CFHR1: variants seen among roughly 807,000 people sequenced by gnomAD.
CFHR1 encodes complement factor H related 1.
A neutral mutation model predicts 30.4 loss-of-function variants in CFHR1; 22 were observed. The ratio of observed to expected loss-of-function variants is 0.72; its 90% confidence interval spans 0.52 to 1.03. The LOEUF is 1.03. Ranked by LOEUF, CFHR1 falls within the 50% of genes least tolerant of loss-of-function variation. CFHR1 has a pLI of 0.00. For missense variants in CFHR1, 248 were observed against 380.6 expected (o/e 0.65, Z 2.90); for synonymous variants, 95 against 129.1 (o/e 0.74, Z 1.79).
At position 196,831,393 on chromosome 1, in the gene CFHR1, A is replaced by G. The variant is rs1242953499; in HGVS notation, c.791-404A>G. Among the ~76,000 whole-genome samples the G allele has an allele frequency of 1.5e-5, 2 of 134,680 alleles. 1 individual carries two copies. Among genetic ancestry groups the G allele is most frequent in the Non-Finnish European group, 3.1e-5 (2 of 64,226 alleles). 88.4% of individuals were successfully genotyped at this position (134,680 alleles called of 152,430 possible). A position where few individuals can be genotyped will look rare whatever the true frequency, so the allele number is the denominator to read the frequency against. On this transcript the variant is annotated intron_variant, in intron 5 of 5. Coordinates refer to ENST00000320493, the MANE Select transcript of CFHR1 (RefSeq NM_002113.3). ...TGCTTTCTTGCCAATTTTCAGATAA[A>G]CAATACAATATTATTAGCTCTAAAT...
Position 196,827,311 on chromosome 1 carries a change from C to A in CFHR1, c.430+306C>A, listed in dbSNP as rs1655367414. Among the ~76,000 whole-genome samples the A allele has an allele frequency of 1.5e-5, 2 of 134,624 alleles. 1 individual carries two copies. Among genetic ancestry groups the A allele is most frequent in the Non-Finnish European group, 3.1e-5 (2 of 64,150 alleles). The allele number at this position is 134,624 out of a possible 152,430, so 88.3% of individuals were successfully genotyped here. ...GGAATCAAAAATGTCGAAATAGAAC[C>A]CTGAATCTGTTTTACCAACCCCTCC... On this transcript the variant is annotated intron_variant, in intron 3 of 5. Transcript: ENST00000320493.
chr1:196,825,293 A>G lies in CFHR1; in HGVS notation c.59-184A>G, dbSNP rs1655278926. The G allele has an allele frequency of 6.7e-6, 3 of 446,778 alleles. No individual in the cohort carries two copies. In the East Asian group the frequency reaches 9.9e-5, roughly 15 times the overall value. The allele number at this position is 446,778 out of a possible 1,614,324, so 27.7% of individuals were successfully genotyped here. A position where few individuals can be genotyped will look rare whatever the true frequency, so the allele number is the denominator to read the frequency against. On this transcript the variant is annotated intron_variant, in intron 1 of 5. Coordinates refer to ENST00000320493, the MANE Select transcript of CFHR1 (RefSeq NM_002113.3). The stretch of plus-strand genomic sequence containing the variant: ...TATTCATTAACAATTACCTCCTCAA[A>G]TAGTCATGTACTCCTAGTTAGTGAT...
At chr1:196,828,968 A>G (rs879498250) in intron 4 of CFHR1, among the ~76,000 whole-genome samples, 12 of 133,470 alleles carry the variant, frequency 9.0e-5, no homozygotes, top group Non-Finnish European at 1.9e-4. Flanking sequence ...GATATATAGG[A>G]CTTAAACCTC....
intron 5 of CFHR1, among the ~76,000 whole-genome samples, chr1:196,831,149 A>C (rs1984953): frequency 0.01 from 1,415 of 135,834 alleles, 399 homozygotes; most frequent in African/African-American, 0.042. Flanking sequence ...ACAACACAAA[A>C]AAGTAATTTT....
At chr1:196,830,853 T>C (rs1282845411) in intron 5 of CFHR1, among the ~76,000 whole-genome samples, 171 bp downstream of exon 5, 1 of 135,108 alleles carries the variant, frequency 7.4e-6, no homozygotes, top group Non-Finnish European at 1.6e-5. Flanking sequence ...TAGGGCTGGG[T>C]GTGGTGGCTC....
chr1:196,825,536 A>G lies in CFHR1; in HGVS notation c.118A>G (p.Lys40Glu). 1 of 1,521,300 alleles carries G rather than the reference A, an allele frequency of 6.6e-7. No individual in the cohort carries two copies. The highest frequency in any genetic ancestry group is 8.9e-7 in the Non-Finnish European group (1 of 1,125,746). 94.2% of individuals were successfully genotyped at this position (1,521,300 alleles called of 1,614,324 possible). The change falls in exon 2 of 6, where the codon AAG becomes GAG. Residue 40 changes from lysine (K) to glutamate (E), a missense_variant. Lys to Glu is a moderately conservative substitution (Grantham distance 56, BLOSUM62 1). Transcript: ENST00000320493. Reference protein sequence around the residue: ...HGILYDEEKYKPFSQVPTGEV... With the variant: ...HGILYDEEKYEPFSQVPTGEV... ...AATTCTATATGATGAAGAAAAATAT[A>G]AGCCATTTTCCCAGGTTCCTACAGG...
At chr1:196,823,182 A>C (rs1655189942) in intron 1 of CFHR1, among the ~76,000 whole-genome samples, 1 of 133,604 alleles carries the variant, frequency 7.5e-6, no homozygotes, top group African/African-American at 3.2e-5. Context: ...TATTGAGACA[A>C]TAAAAATTAT....
intron 2 of CFHR1, among the ~76,000 whole-genome samples, chr1:196,826,405 A>G (rs1264196975): frequency 7.4e-6 from 1 of 135,392 alleles, no homozygotes. Flanking sequence ...TCATATATAT[A>G]GTAGCATGAG....
chr1:196,823,101 A>ATG (rs778697156), intron 1 of CFHR1, among the ~76,000 whole-genome samples: 1,995 of 47,026 alleles, frequency 0.042, 265 homozygotes, highest in Non-Finnish European at 0.054. Context: ...ATATATATAT[A>ATG]TGTGTGTGTG....
intron 1 of CFHR1, chr1:196,821,320 T>C (rs1177701684): frequency 1.9e-5 from 2 of 107,680 alleles, no homozygotes; most frequent in African/African-American, 4.9e-5. Flanking sequence ...CAGAGGAAAA[T>C]AAGTGAAAAA....
intron 1 of CFHR1, among the ~76,000 whole-genome samples, chr1:196,823,317 G>A (rs113930942): frequency 0.01 from 1,380 of 135,052 alleles, 379 homozygotes; most frequent in African/African-American, 0.041. Flanking sequence ...TCTTTCTGAA[G>A]CATAGGTACA....
In CFHR1 at chr1:196,830,604, C is replaced by T; in HGVS notation, c.712C>T (p.Gln238Ter). ...AGCTTCATCAGTTGAGTACCAATGC[C>T]AGAACTTGTATCAACTTGAGGGTAA... ...APASSVEYQC[Q>*]NLYQLEGNKR... The change falls in exon 5 of 6, where the codon CAG becomes TAG. Residue 238 changes from glutamine (Q) to a stop codon, truncating the protein, a stop_gained. Transcript: ENST00000320493. LOFTEE classifies it high-confidence loss of function. The T allele has an allele frequency of 6.6e-7, 1 of 1,523,968 alleles. No homozygotes were observed. Among genetic ancestry groups the T allele is most frequent in the Non-Finnish European group, 8.9e-7 (1 of 1,128,692 alleles). 94.4% of individuals were successfully genotyped at this position (1,523,968 alleles called of 1,614,324 possible).
At chr1:196,823,887 AG>A (rs1655219463) in intron 1 of CFHR1, among the ~76,000 whole-genome samples, 1 of 134,544 alleles carries the variant, frequency 7.4e-6, no homozygotes, top group African/African-American at 3.2e-5. Context: ...TGCATGTGGT[AG>A]GGAAGAGGAA....
At chr1:196,831,669 A>G (rs1189332553) in intron 5 of CFHR1, 128 bp from the exon 6 acceptor site, 1 of 1,224,236 alleles carries the variant, frequency 8.2e-7, no homozygotes, top group African/African-American at 1.9e-5. Context: ...GTTTTTACAT[A>G]GTCGGTTTGG....
intron 1 of CFHR1, chr1:196,821,172 G>A (rs1655107656): frequency 7.2e-6 from 1 of 138,514 alleles, no homozygotes; most frequent in Non-Finnish European, 1.5e-5. Context: ...TTCACTTTTA[G>A]TGCTGAGTTG....
chr1:196,822,104 T>C (rs1655139566), intron 1 of CFHR1, among the ~76,000 whole-genome samples: 1 of 132,404 alleles, frequency 7.6e-6, no homozygotes. Context: ...GACTGAAAGT[T>C]ACTCTCAGTA....
In CFHR1 at chr1:196,820,863, G is replaced by A. The variant is rs1466931536; in HGVS notation, c.58+961G>A. The A allele has an allele frequency of 3.8e-5, 5 of 132,362 alleles. 2 individuals are homozygous for A. Among genetic ancestry groups the A allele is most frequent in the Non-Finnish European group, 7.7e-5 (5 of 64,588 alleles). The allele number at this position is 132,362 out of a possible 1,614,324, so 8.2% of individuals were successfully genotyped here. ...TTGAAATTCATTTTTTTTTGAGATG[G>A]ACTTTCACTCTTGTTTCCCAGGCTG... On this transcript the variant is annotated intron_variant, in intron 1 of 5. Coordinates refer to ENST00000320493, the MANE Select transcript of CFHR1 (RefSeq NM_002113.3).
At chr1:196,831,563 G>C (rs982042710) in intron 5 of CFHR1, among the ~76,000 whole-genome samples, 4 of 135,452 alleles carry the variant, frequency 3.0e-5, no homozygotes, top group Admixed American at 2.8e-4. Context: ...CTGATGTAAT[G>C]AATCATTGAT....
chr1:196,829,303 G>T (rs1655455785), intron 4 of CFHR1, among the ~76,000 whole-genome samples: 1 of 134,528 alleles, frequency 7.4e-6, no homozygotes, highest in Non-Finnish European at 1.6e-5. Flanking sequence ...TGCATGCATT[G>T]AGCACCATAT....
Sources: allele counts gnomAD v4.1 joint callset (sites outside exome capture counted in the v4.1 genomes callset), GRCh38; gene constraint gnomAD v4.1.1; transcripts MANE v1.5; gene names NCBI Gene and HGNC (gene_info 2026-07-23, HGNC 2026-07-21).